Variants in TXNDC16 observed in about 807,000 individuals in gnomAD.
TXNDC16 encodes the protein thioredoxin domain-containing protein 16.
TXNDC16 carries 74 observed loss-of-function variants against 85.6 expected under a neutral mutation model. The observed-to-expected ratio is 0.86, with a 90% confidence interval of 0.72 to 1.05. TXNDC16 has a LOEUF of 1.05. Among genes scored for constraint, TXNDC16 ranks in the 50% least tolerant of loss-of-function variants. The probability of loss-of-function intolerance (pLI) is 0.00; values close to 1 mark genes in which losing one functional copy is unlikely to be tolerated. For missense variants in TXNDC16, 959 were observed against 947.0 expected (o/e 1.01, Z -0.17); for synonymous variants, 335 against 326.5 (o/e 1.03, Z -0.28).
chr14:52,511,769 A>C (rs2036961543), intron 8 of TXNDC16, among the ~76,000 whole-genome samples: 1 of 152,160 alleles, frequency 6.6e-6, no homozygotes, highest in Non-Finnish European at 1.5e-5. Flanking sequence ...ATGCTAAATG[A>C]AGCTTTGTAA....
chr14:52,441,897 C>T (rs1389514539), intron 18 of TXNDC16, among the ~76,000 whole-genome samples: 2 of 152,098 alleles, frequency 1.3e-5, no homozygotes, highest in African/African-American at 4.8e-5. Flanking sequence ...TCTATCCTCT[C>T]TCTCTTTCTA....
chr14:52,497,187 TAA>T (rs1171908902), intron 9 of TXNDC16, among the ~76,000 whole-genome samples: 2 of 152,100 alleles, frequency 1.3e-5, no homozygotes, highest in Admixed American at 1.3e-4. Flanking sequence ...AACAGGATTA[TAA>T]AAGACTATTA....
At chr14:52,483,879 G>C (rs2036205057) in intron 12 of TXNDC16, among the ~76,000 whole-genome samples, 1 of 152,064 alleles carries the variant, frequency 6.6e-6, no homozygotes, top group African/African-American at 2.4e-5. Context: ...CTTGATTAAA[G>C]GATAAAGCTT....
chr14:52,432,552 G>T lies in TXNDC16; in HGVS notation c.2230C>A (p.Pro744Thr), dbSNP rs753574633. 1 of 1,611,668 alleles carries T rather than the reference G, an allele frequency of 6.2e-7. No homozygotes were observed. The highest frequency in any genetic ancestry group is 1.1e-5 in the South Asian group (1 of 90,342). ...LPAQEWKPPL[P>T]AYDFLSMIDA... is the part of the protein sequence containing the mutation. ...ATCATACTTAGAAAATCATAAGCTG[G>T]AAGAGGAGGTTTCCATTCTTGAGCA... The change falls in exon 21 of 21, where the codon CCA (proline) becomes ACA (threonine). Residue 744 changes from proline (P) to threonine (T), a missense_variant. Physicochemically the swap from Pro to Thr is conservative, Grantham distance 38. Coordinates refer to ENST00000281741, the MANE Select transcript of TXNDC16 (RefSeq NM_020784.3).
At position 52,455,317 on chromosome 14, in the gene TXNDC16, T is replaced by G. The variant is rs763454278; in HGVS notation, c.1842+7A>C. On this transcript the variant is annotated splice_region_variant and intron_variant, in intron 18 of 20. Transcript: ENST00000281741. ...CAAGTATCACCCTTATTATAAAACA[T>G]ACTCACAAACATTTCCAGTAGTGCA... 7 of 1,613,322 alleles carry G rather than the reference T, an allele frequency of 4.3e-6. No individual in the cohort carries two copies. Among genetic ancestry groups the G allele is most frequent in the Non-Finnish European group, 5.9e-6 (7 of 1,179,610 alleles).
In TXNDC16 at chr14:52,532,732, A is replaced by G. The variant is rs549914449; in HGVS notation, c.392+3987T>C. ...ATTACAGGCGTGAGCCACCGCACCC[A>G]GCCAGTTCAAATCTATTTTTATGAG... On this transcript the variant is annotated intron_variant, in intron 6 of 20. Transcript: ENST00000281741. Among the ~76,000 whole-genome samples, 33 of 152,194 alleles carry G rather than the reference A, an allele frequency of 2.2e-4. No homozygotes were observed. The South Asian group carries it at 2.5e-3, about 11-fold the overall frequency.
At chr14:52,528,015 ACAATAATGGT>A (rs2037378862) in intron 6 of TXNDC16, among the ~76,000 whole-genome samples, 1 of 152,128 alleles carries the variant, frequency 6.6e-6, no homozygotes, top group Non-Finnish European at 1.5e-5. Flanking sequence ...TACATAATTG[ACAATAATGGT>A]CAAAAAATAT....
intron 19 of TXNDC16, among the ~76,000 whole-genome samples, chr14:52,440,033 G>A (rs777128546): frequency 6.6e-6 from 1 of 152,126 alleles, no homozygotes; most frequent in Non-Finnish European, 1.5e-5. Flanking sequence ...CAGCAAAAAT[G>A]TACACTGCCC....
chr14:52,530,264 AT>A (rs1430431075), intron 6 of TXNDC16, among the ~76,000 whole-genome samples: 6 of 59,008 alleles, frequency 1.0e-4, no homozygotes, highest in East Asian at 1.3e-3. Flanking sequence ...ATTATATAAT[AT>A]ATATTATTAT....
intron 14 of TXNDC16, 145 bp downstream of exon 14, chr14:52,482,085 C>T: frequency 1.6e-6 from 1 of 641,954 alleles, no homozygotes; most frequent in Non-Finnish European, 2.5e-6. Flanking sequence ...ACTCTTGAAA[C>T]TCCTGGTTCA....
intron 9 of TXNDC16, among the ~76,000 whole-genome samples, 178 bp downstream of exon 9, chr14:52,511,058 TAAAG>T (rs901586421): frequency 5.8e-4 from 88 of 151,958 alleles, no homozygotes; most frequent in African/African-American, 1.9e-3. Flanking sequence ...CTACCTTTAA[TAAAG>T]AATTATTCCT....
chr14:52,485,745 A>G (rs552374156), intron 12 of TXNDC16, among the ~76,000 whole-genome samples: 1 of 152,308 alleles, frequency 6.6e-6, no homozygotes, highest in Admixed American at 6.5e-5. Flanking sequence ...AGGATATATC[A>G]TACACCCTAG....
chr14:52,516,305 C>T (rs1281211744), intron 7 of TXNDC16, among the ~76,000 whole-genome samples: 1 of 152,170 alleles, frequency 6.6e-6, no homozygotes, highest in Non-Finnish European at 1.5e-5. Flanking sequence ...CAGTCCTGCA[C>T]ATCTGAAAGC....
At chr14:52,480,961 GTA>G (rs1284906734) in intron 14 of TXNDC16, among the ~76,000 whole-genome samples, 15 of 118,574 alleles carry the variant, frequency 1.3e-4, no homozygotes, top group South Asian at 6.7e-4. Flanking sequence ...GTGTGTGTGT[GTA>G]TATATATATA....
chr14:52,460,141 G>A (rs1168618449), intron 16 of TXNDC16, among the ~76,000 whole-genome samples: 1 of 152,120 alleles, frequency 6.6e-6, no homozygotes, highest in Admixed American at 6.6e-5. Context: ...TTGGGAGGCC[G>A]AGGTGGGAGG....
intron 18 of TXNDC16, among the ~76,000 whole-genome samples, chr14:52,447,137 A>G (rs1420705910): frequency 6.6e-6 from 1 of 152,038 alleles, no homozygotes; most frequent in East Asian, 1.9e-4. Flanking sequence ...TGGCTCTTGG[A>G]TGGCATTTCT....
intron 6 of TXNDC16, among the ~76,000 whole-genome samples, chr14:52,531,301 G>A (rs912037962): frequency 2.6e-5 from 4 of 152,092 alleles, no homozygotes; most frequent in Non-Finnish European, 4.4e-5. Flanking sequence ...ATACAGTCCA[G>A]CAATCACACT....
intron 18 of TXNDC16, among the ~76,000 whole-genome samples, chr14:52,446,890 G>A (rs759582478): frequency 5.9e-5 from 9 of 152,146 alleles, no homozygotes; most frequent in Non-Finnish European, 1.2e-4. Flanking sequence ...ACTGCTAAGT[G>A]AAGAGCCCTT....
chr14:52,446,194 A>G (rs1048357624), intron 18 of TXNDC16, among the ~76,000 whole-genome samples: 5 of 152,332 alleles, frequency 3.3e-5, no homozygotes, highest in African/African-American at 7.2e-5. Flanking sequence ...TGAATCATCA[A>G]TGATACCCTT....
Sources: gnomAD v4.1 joint callset for allele counts (sites outside exome capture counted in the v4.1 genomes callset) on GRCh38, gnomAD v4.1.1 for gene constraint, MANE v1.5 for transcripts, NCBI Gene and HGNC (gene_info 2026-07-23, HGNC 2026-07-21) for gene names.